PAK3: variants seen among roughly 807,000 people sequenced by gnomAD.
The protein encoded by PAK3 is serine/threonine-protein kinase PAK 3.
PAK3 carries 4 observed loss-of-function variants against 41.0 expected under a neutral mutation model. The observed-to-expected ratio is 0.10, with a 90% confidence interval of 0.05 to 0.22. PAK3 has a LOEUF of 0.22. PAK3 is among the 10% of genes least tolerant of loss of function. The pLI is 1.00. For missense variants in PAK3, 205 were observed against 409.9 expected (o/e 0.50, Z 4.32); for synonymous variants, 146 against 139.6 (o/e 1.05, Z -0.32).
Position 111,085,155 on chromosome X carries a change from A to C in PAK3, c.-27-37922A>C, listed in dbSNP as rs149102208. Reference sequence around the variant, plus strand: ...TAAAAACAAGATAATTTGATTGTTTAAACACGACAGTTTTTTTTTAAAGTA... The same window carrying C: ...TAAAAACAAGATAATTTGATTGTTTCAACACGACAGTTTTTTTTTAAAGTA... On this transcript the variant is annotated intron_variant, in intron 1 of 14. Coordinates refer to the PAK3 transcript ENST00000425146. 3.9e-3 allele frequency among the ~76,000 whole-genome samples: 433 copies of C among 112,409 alleles called. 11 individuals are homozygous for C. The East Asian group carries it at 0.058, about 15-fold the overall frequency.
In PAK3 at chrX:111,221,841, C is replaced by T. The variant is rs765308467; in HGVS notation, c.*1394C>T. 11 of 111,841 alleles carry T rather than the reference C, an allele frequency of 9.8e-5. No homozygotes were observed. The South Asian group carries it at 3.3e-3, about 34-fold the overall frequency. The allele number at this position is 111,841 out of a possible 1,213,427, so 9.2% of individuals were successfully genotyped here. On this transcript the variant is annotated 3_prime_UTR_variant, in exon 18 of 18. Coordinates refer to ENST00000372007, the MANE Select transcript of PAK3 (RefSeq NM_002578.5). ...TTCATAAATGTCTTGAAATTCTCTC[C>T]AGTGGAAAATAATTTTAACTTACAA... is the stretch of plus-strand genomic sequence containing the variant.
At chrX:111,114,191 G>A (rs188243189) in intron 4 of PAK3, among the ~76,000 whole-genome samples, 1 of 112,194 alleles carries the variant, frequency 8.9e-6, no homozygotes, top group Non-Finnish European at 1.9e-5. Flanking sequence ...AGATCCTTGA[G>A]GAATTGCCAC....
chrX:111,128,430 G>A (rs1015823673), intron 5 of PAK3, among the ~76,000 whole-genome samples: 2 of 112,120 alleles, frequency 1.8e-5, no homozygotes, highest in Non-Finnish European at 3.8e-5. Flanking sequence ...GCCAAGCTAT[G>A]TGCCAGGCAC....
At chrX:111,060,565 T>C (rs755680514) in intron 1 of PAK3, among the ~76,000 whole-genome samples, 3 of 111,812 alleles carry the variant, frequency 2.7e-5, no homozygotes, top group Non-Finnish European at 5.6e-5. Context: ...GGCTTTTTTT[T>C]AATTGTTAAT....
At chrX:111,084,386 T>C (rs2148845177) in intron 1 of PAK3, among the ~76,000 whole-genome samples, 1 of 112,749 alleles carries the variant, frequency 8.9e-6, no homozygotes, top group South Asian at 3.7e-4. Context: ...TTTAATGGAT[T>C]TTCTTTTCTC....
At chrX:111,197,276 A>G (rs1024012474) in intron 16 of PAK3, among the ~76,000 whole-genome samples, 3 of 112,325 alleles carry the variant, frequency 2.7e-5, no homozygotes, top group Non-Finnish European at 5.6e-5. Flanking sequence ...TTATGTCTAC[A>G]TAATATTCTA....
At chrX:110,969,849 A>G in intron 1 of PAK3, among the ~76,000 whole-genome samples, 1 of 112,185 alleles carries the variant, frequency 8.9e-6, no homozygotes, top group Non-Finnish European at 1.9e-5. Context: ...ACAGAATTAT[A>G]TTGTCTATAG....
At chrX:110,995,346 C>A (rs1042958809) in intron 1 of PAK3, among the ~76,000 whole-genome samples, 7 of 111,379 alleles carry the variant, frequency 6.3e-5, no homozygotes, top group Non-Finnish European at 1.1e-4. Flanking sequence ...ATATTCCAAC[C>A]CCTGAGCCAC....
At chrX:111,059,708 A>G (rs2092639638) in intron 1 of PAK3, among the ~76,000 whole-genome samples, 1 of 112,127 alleles carries the variant, frequency 8.9e-6, no homozygotes, top group Non-Finnish European at 1.9e-5. Context: ...CCATTATAAA[A>G]GAAAATGATT....
chrX:111,121,738 G>A (rs2093573820), intron 4 of PAK3, among the ~76,000 whole-genome samples: 1 of 111,581 alleles, frequency 9.0e-6, no homozygotes, highest in Non-Finnish European at 1.9e-5. Context: ...AGTTTTAAAG[G>A]GATTTGATTT....
At chrX:111,188,189 G>C (rs1326410003) in intron 11 of PAK3, among the ~76,000 whole-genome samples, 1 of 109,008 alleles carries the variant, frequency 9.2e-6, no homozygotes, top group African/African-American at 3.3e-5. Flanking sequence ...TAAATGCTGA[G>C]GGTGCTGGAG....
intron 13 of PAK3, among the ~76,000 whole-genome samples, chrX:111,192,979 T>A (rs1019085955): frequency 2.7e-5 from 3 of 112,117 alleles, no homozygotes; most frequent in Non-Finnish European, 3.8e-5. Context: ...CTGACTACAA[T>A]GGCTTTAATG....
At chrX:111,013,179 C>G (rs1602781218) in intron 1 of PAK3, among the ~76,000 whole-genome samples, 2 of 112,342 alleles carry the variant, frequency 1.8e-5, no homozygotes, top group South Asian at 7.4e-4. Context: ...ATACTTTATG[C>G]TTTTTAAAGC....
At chrX:110,963,475 A>G (rs2091020070) in intron 1 of PAK3, among the ~76,000 whole-genome samples, 1 of 112,206 alleles carries the variant, frequency 8.9e-6, no homozygotes. Flanking sequence ...TTTGCCATTG[A>G]TAAATCTGGT....
At chrX:111,144,800 G>A (rs1321354368) in intron 6 of PAK3, 2 of 631,570 alleles carry the variant, frequency 3.2e-6, no homozygotes, top group African/African-American at 2.2e-5. Flanking sequence ...GAGATTTTTG[G>A]TATTCAATGA....
At chrX:111,085,044 A>G (rs2092869539) in intron 1 of PAK3, among the ~76,000 whole-genome samples, 1 of 112,089 alleles carries the variant, frequency 8.9e-6, no homozygotes, top group African/African-American at 3.2e-5. Context: ...ATGTATTTTA[A>G]CTTTTTTAGT....
At chrX:111,036,673 T>C (rs2092402454) in intron 1 of PAK3, among the ~76,000 whole-genome samples, 4 of 112,160 alleles carry the variant, frequency 3.6e-5, no homozygotes, top group Admixed American at 9.4e-5. Context: ...CCATATTAGC[T>C]TATTACCAAT....
chrX:111,099,544 G>A (rs551480179), intron 3 of PAK3, among the ~76,000 whole-genome samples: 3 of 109,869 alleles, frequency 2.7e-5, no homozygotes, highest in African/African-American at 1.0e-4. Context: ...GATGGAATAG[G>A]ATGGCCTTGG....
intron 1 of PAK3, among the ~76,000 whole-genome samples, chrX:110,989,710 C>T (rs2091609017): frequency 9.0e-6 from 1 of 111,681 alleles, no homozygotes; most frequent in African/African-American, 3.3e-5. Flanking sequence ...TCTGCATTAT[C>T]ACACAGCTGG....
Sources: allele counts gnomAD v4.1 joint callset (sites outside exome capture counted in the v4.1 genomes callset), GRCh38; gene constraint gnomAD v4.1.1; transcripts MANE v1.5; gene names NCBI Gene and HGNC (gene_info 2026-07-23, HGNC 2026-07-21).